ZNF292: variants seen among roughly 807,000 people sequenced by gnomAD.
ZNF292 encodes the protein 16 zinc-finger domain protein.
In ZNF292, 26 loss-of-function variants were observed where a neutral mutation model predicts 217.9. That is an observed-to-expected ratio of 0.12 (90% CI 0.09 to 0.17). ZNF292 has a LOEUF of 0.17. ZNF292 is among the 10% of genes least tolerant of loss of function. The pLI, the probability that ZNF292 is intolerant of heterozygous loss-of-function variation, is 1.00. For synonymous variants in ZNF292, 1,257 were observed against 1,124.1 expected, an observed-to-expected ratio of 1.12 and a Z score of -2.37; for missense variants, 2,904 against 3,175.2, an observed-to-expected ratio of 0.91 and a Z score of 2.05.
intron 1 of ZNF292, among the ~76,000 whole-genome samples, chr6:87,160,287 G>A (rs989036783): frequency 2.0e-4 from 30 of 152,154 alleles, no homozygotes; most frequent in Admixed American, 1.6e-3. Context: ...ATAATAGTTC[G>A]TTGGAAAAAT....
At chr6:87,215,839 C>G (rs1772724765) in intron 1 of ZNF292, 64 bp from the exon 2 acceptor site, 25 of 1,314,280 alleles carry the variant, frequency 1.9e-5, no homozygotes, top group Non-Finnish European at 2.5e-5. Flanking sequence ...GAAAAAACAG[C>G]TGATGAGTCA....
At chr6:87,217,569 G>A (rs988870073) in intron 3 of ZNF292, among the ~76,000 whole-genome samples, 3 of 152,036 alleles carry the variant, frequency 2.0e-5, no homozygotes, top group Non-Finnish European at 4.4e-5. Flanking sequence ...TGCATAACCA[G>A]AATTCCAAAT....
At chr6:87,186,614 C>T (rs1582395263) in intron 1 of ZNF292, among the ~76,000 whole-genome samples, 1 of 152,162 alleles carries the variant, frequency 6.6e-6, no homozygotes, top group Admixed American at 6.5e-5. Flanking sequence ...TGTAGTGGCT[C>T]ATGCCTGTAA....
chr6:87,156,285 C>T (rs1001986847), intron 1 of ZNF292, among the ~76,000 whole-genome samples: 1 of 152,202 alleles, frequency 6.6e-6, no homozygotes, highest in South Asian at 2.1e-4. Flanking sequence ...CGAGTTTCGC[C>T]TTAGGACTGA....
rs1775269944 is a variant in ZNF292 at position 87,257,129 on chromosome 6, T to G, written c.3500T>G (p.Phe1167Cys). The change falls in exon 8 of 8, where the codon TTT becomes TGT. Residue 1167 changes from phenylalanine (F) to cysteine (C), a missense_variant. By Grantham distance (205) the Phe-to-Cys change is radical (BLOSUM62 -2). Around this residue, in one of 15 missense-constraint regions of ZNF292, gnomAD observed 687 missense variants for 623.0 expected, o/e 1.10. Coordinates refer to ENST00000369577, the MANE Select transcript of ZNF292 (RefSeq NM_015021.3). Reference protein sequence around the residue: ...LPSPVNSSNPFFTSQTKANGN... With the variant: ...LPSPVNSSNPCFTSQTKANGN... ...TCACCGGTGAACAGCTCAAATCCAT[T>G]TTTTACATCACAGACCAAAGCCAAT... 2.5e-6 allele frequency: 4 copies of G among 1,613,822 alleles called. No homozygotes were observed. Among genetic ancestry groups the G allele is most frequent in the Non-Finnish European group, 3.4e-6 (4 of 1,179,872 alleles).
chr6:87,156,670 G>A (rs747381952), intron 1 of ZNF292, among the ~76,000 whole-genome samples: 4 of 152,214 alleles, frequency 2.6e-5, no homozygotes, highest in Non-Finnish European at 4.4e-5. Flanking sequence ...TGTGCTTTGG[G>A]TAGTTTCAAA....
chr6:87,216,930 A>G (rs1393517098), intron 3 of ZNF292, among the ~76,000 whole-genome samples: 1 of 151,986 alleles, frequency 6.6e-6, no homozygotes, highest in Admixed American at 6.6e-5. Flanking sequence ...TAGTGTTGTT[A>G]TTCTGCTTAT....
Position 87,233,620 on chromosome 6 carries a change from C to T in ZNF292, c.741+93C>T, listed in dbSNP as rs566542108. ...TTTGATTTCCTTTTCTCTTAGATAGCGAAGAGATCATTGTCAATCTTACAT... is the reference window on the plus strand; with the variant it reads ...TTTGATTTCCTTTTCTCTTAGATAGTGAAGAGATCATTGTCAATCTTACAT... On this transcript the variant is annotated intron_variant, in intron 5 of 7. Coordinates refer to ENST00000369577, the MANE Select transcript of ZNF292 (RefSeq NM_015021.3). The T allele has an allele frequency of 7.7e-5, 116 of 1,508,192 alleles. No homozygotes were observed. In the African/African-American group the frequency reaches 1.4e-3, roughly 19 times the overall value. The allele number at this position is 1,508,192 out of a possible 1,614,324, so 93.4% of individuals were successfully genotyped here.
chr6:87,175,330 A>G (rs1267142135), intron 1 of ZNF292, among the ~76,000 whole-genome samples: 6 of 152,054 alleles, frequency 3.9e-5, no homozygotes, highest in Non-Finnish European at 8.8e-5. Flanking sequence ...CAACTCTTCA[A>G]CCATACAAAA....
At chr6:87,208,935 T>C in intron 1 of ZNF292, among the ~76,000 whole-genome samples, 1 of 152,222 alleles carries the variant, frequency 6.6e-6, no homozygotes, top group East Asian at 1.9e-4. Flanking sequence ...AAAAGTAAGA[T>C]ACTTTTCCTT....
At position 87,233,354 on chromosome 6, in the gene ZNF292, A is replaced by G. The variant is rs772604892; in HGVS notation, c.568A>G (p.Ile190Val). 6.2e-7 allele frequency: 1 copy of G among 1,612,142 alleles called. No individual in the cohort carries two copies. Among genetic ancestry groups the G allele is most frequent in the Non-Finnish European group, 8.5e-7 (1 of 1,179,198 alleles). The change falls in exon 5 of 8, where the codon ATC becomes GTC. Residue 190 changes from isoleucine to valine, a missense_variant. Ile to Val is a conservative substitution (Grantham distance 29). Coordinates refer to ENST00000369577, the MANE Select transcript of ZNF292 (RefSeq NM_015021.3). ...VNEFLAFEGP[I>V]LLDMRIKHLI... The stretch of plus-strand genomic sequence containing the variant: ...TGAATTTTTAGCTTTTGAGGGTCCC[A>G]TCTTGTTGGATATGAGAATTAAACA...
At position 87,257,461 on chromosome 6, in the gene ZNF292, C is replaced by G; in HGVS notation, c.3832C>G (p.Pro1278Ala). 1 of 1,613,290 alleles carries G rather than the reference C, an allele frequency of 6.2e-7. No homozygotes were observed. The highest frequency in any genetic ancestry group is 8.5e-7 in the Non-Finnish European group (1 of 1,179,632). The change falls in exon 8 of 8, where the codon CCA becomes GCA. Residue 1278 changes from proline (P) to alanine (A), a missense_variant. This residue lies in a region of ZNF292 where 687 missense variants were observed against 623.0 expected (regional missense o/e 1.10). Coordinates refer to ENST00000369577, the MANE Select transcript of ZNF292 (RefSeq NM_015021.3). ...TAGTTCAATGTCTCTCTTCCCTTCACCAGCAGATAGTGGGACTAATTCTGT... is the reference window on the plus strand; with the variant it reads ...TAGTTCAATGTCTCTCTTCCCTTCAGCAGCAGATAGTGGGACTAATTCTGT... ...ESSSMSLFPS[P>A]ADSGTNSVFS... is the part of the protein sequence containing the mutation.
At chr6:87,252,490 C>T (rs528177767) in intron 7 of ZNF292, among the ~76,000 whole-genome samples, 9 of 152,254 alleles carry the variant, frequency 5.9e-5, no homozygotes, top group Admixed American at 2.0e-4. Context: ...CCATCATTTC[C>T]TGAATTTCTG....
chr6:87,172,170 A>G (rs781092757), intron 1 of ZNF292, among the ~76,000 whole-genome samples: 18 of 152,222 alleles, frequency 1.2e-4, no homozygotes, highest in Non-Finnish European at 2.1e-4. Flanking sequence ...CTTGTTTGCT[A>G]CATTTTCTTA....
In ZNF292 at chr6:87,263,373, T is replaced by C. The variant is rs776556528; in HGVS notation, c.*1572T>C. ...TTATTGGCCTGAGATATTGATGATA[T>C]TGTGATGGTATGAAAATGTGTACAT... On this transcript the variant is annotated 3_prime_UTR_variant, in exon 8 of 8. Coordinates refer to ENST00000369577, the MANE Select transcript of ZNF292 (RefSeq NM_015021.3). The C allele has an allele frequency of 6.6e-6, 1 of 152,068 alleles. No homozygotes were observed. Among genetic ancestry groups the C allele is most frequent in the African/African-American group, 2.4e-5 (1 of 41,440 alleles). The allele number at this position is 152,068 out of a possible 1,614,324, so 9.4% of individuals were successfully genotyped here.
intron 7 of ZNF292, among the ~76,000 whole-genome samples, chr6:87,250,585 GAATTA>G (rs1196045214): frequency 2.6e-5 from 4 of 152,216 alleles, no homozygotes; most frequent in Non-Finnish European, 5.9e-5. Flanking sequence ...ATACAGAGAT[GAATTA>G]AATTATGTGA....
chr6:87,253,228 T>TC (rs1775025391), intron 7 of ZNF292, among the ~76,000 whole-genome samples: 1 of 148,656 alleles, frequency 6.7e-6, no homozygotes, highest in Admixed American at 6.7e-5. Flanking sequence ...GCCTTTTTTT[T>TC]TTTTTTTTTT....
intron 1 of ZNF292, among the ~76,000 whole-genome samples, chr6:87,204,041 GT>G (rs1325677031): frequency 1.3e-5 from 2 of 152,170 alleles, no homozygotes; most frequent in East Asian, 3.8e-4. Context: ...CATTACTTCT[GT>G]GCTGTTCTCA....
At chr6:87,226,766 C>T (rs1773373839) in intron 4 of ZNF292, among the ~76,000 whole-genome samples, 1 of 151,270 alleles carries the variant, frequency 6.6e-6, no homozygotes, top group African/African-American at 2.4e-5. Context: ...GCAACCTCCG[C>T]CTCCTGGATT....
Sources: gnomAD v4.1 joint callset for allele counts (sites outside exome capture counted in the v4.1 genomes callset) on GRCh38, gnomAD v4.1.1 for gene constraint, gnomAD v4.1.1 regional missense constraint, MANE v1.5 for transcripts, NCBI Gene and HGNC (gene_info 2026-07-23, HGNC 2026-07-21) for gene names.